The following SH3PXD2B variants were observed in gnomAD, a reference collection of about 807,000 sequenced individuals.
SH3PXD2B encodes SH3 and PX domains 2B.
A neutral mutation model predicts 73.1 loss-of-function variants in SH3PXD2B; 37 were observed. That is an observed-to-expected ratio of 0.51 (90% CI 0.39 to 0.67). The LOEUF (loss-of-function observed/expected upper bound fraction) is 0.67, where lower values mean the gene tolerates loss of function less well. Among genes scored for constraint, SH3PXD2B ranks in the 30% least tolerant of loss-of-function variants. The pLI is 0.00. For synonymous variants in SH3PXD2B, 457 were observed against 480.5 expected, an observed-to-expected ratio of 0.95 and a Z score of 0.64; for missense variants, 1,053 against 1,197.8, an observed-to-expected ratio of 0.88 and a Z score of 1.78.
At chr5:172,342,406 A>G (rs1015437703) in intron 12 of SH3PXD2B, among the ~76,000 whole-genome samples, 5 of 152,154 alleles carry the variant, frequency 3.3e-5, no homozygotes, top group Admixed American at 6.5e-5. Context: ...AGGGCCGTCG[A>G]TCGGAGGAGA....
In SH3PXD2B at chr5:172,394,561, A is replaced by G. The variant is rs1199775171; in HGVS notation, c.309+2T>C. ...GACTGCGTGGGCATTTCTCAGCCTT[A>G]CCTTACAGTATTCATCAATTGGTAT... On this transcript the variant is annotated splice_donor_variant, in intron 4 of 12. Coordinates refer to ENST00000311601, the MANE Select transcript of SH3PXD2B (RefSeq NM_001017995.3). LOFTEE classifies it high-confidence loss of function. 2.5e-6 allele frequency: 4 copies of G among 1,614,002 alleles called. No individual in the cohort carries two copies.
chr5:172,396,496 C>T (rs952503647), intron 3 of SH3PXD2B, among the ~76,000 whole-genome samples: 3 of 152,158 alleles, frequency 2.0e-5, no homozygotes, highest in Admixed American at 1.3e-4. Flanking sequence ...AGGAGATTTG[C>T]ACCCTAAAAG....
chr5:172,392,335 A>G (rs1758209532), intron 4 of SH3PXD2B, among the ~76,000 whole-genome samples: 1 of 152,230 alleles, frequency 6.6e-6, no homozygotes, highest in African/African-American at 2.4e-5. Flanking sequence ...GAGAGAGGTC[A>G]GAAGGCCCTG....
At chr5:172,416,852 G>T (rs1581323081) in intron 2 of SH3PXD2B, among the ~76,000 whole-genome samples, 1 of 151,872 alleles carries the variant, frequency 6.6e-6, no homozygotes, top group Admixed American at 6.6e-5. Context: ...TGGGCTACAG[G>T]TGCGCACCGT....
chr5:172,334,727 G>A lies in SH3PXD2B; in HGVS notation c.*3642C>T, dbSNP rs945176524. The A allele has an allele frequency of 9.1e-6, 9 of 985,382 alleles. No homozygotes were observed. In the African/African-American group the frequency reaches 1.6e-4, roughly 17 times the overall value. The allele number at this position is 985,382 out of a possible 1,614,324, so 61.0% of individuals were successfully genotyped here. On this transcript the variant is annotated 3_prime_UTR_variant, in exon 13 of 13. Transcript: ENST00000311601. ...AGCAGTTTCTTCTTTTTCCCACTCT[G>A]TGCTGGGTACTTGGGAGAGGCGAAA...
chr5:172,437,241 C>T (rs991667405), intron 1 of SH3PXD2B, among the ~76,000 whole-genome samples: 2 of 152,188 alleles, frequency 1.3e-5, no homozygotes, highest in African/African-American at 4.8e-5. Context: ...AAACCCGACT[C>T]TGCCACGCTT....
At chr5:172,447,806 G>T (rs1759707146) in intron 1 of SH3PXD2B, among the ~76,000 whole-genome samples, 1 of 151,792 alleles carries the variant, frequency 6.6e-6, no homozygotes, top group South Asian at 2.1e-4. Context: ...AGCACAGAGT[G>T]CACCAGAGCA....
At chr5:172,372,470 C>T (rs1225513224) in intron 6 of SH3PXD2B, among the ~76,000 whole-genome samples, 2 of 152,132 alleles carry the variant, frequency 1.3e-5, no homozygotes. Flanking sequence ...GCCTGCAGAA[C>T]GATGAGCCAA....
rs1756727236 is a variant in SH3PXD2B at position 172,337,372 on chromosome 5, C to T, written c.*997G>A. The T allele has an allele frequency of 1.0e-6, 1 of 984,072 alleles. No homozygotes were observed. The highest frequency in any genetic ancestry group is 1.1e-4 in the East Asian group (1 of 8,808). The allele number at this position is 984,072 out of a possible 1,614,324, so 61.0% of individuals were successfully genotyped here. A position where few individuals can be genotyped will look rare whatever the true frequency, so the allele number is the denominator to read the frequency against. On this transcript the variant is annotated 3_prime_UTR_variant, in exon 13 of 13. Coordinates refer to ENST00000311601, the MANE Select transcript of SH3PXD2B (RefSeq NM_001017995.3). Reference sequence around the variant, plus strand: ...GCAGGCCTGGACTCAAATCCTCTTCCCTCTTCCTCCTGGCTGGTGTGTCCT... The same window carrying T: ...GCAGGCCTGGACTCAAATCCTCTTCTCTCTTCCTCCTGGCTGGTGTGTCCT...
At chr5:172,420,856 G>A (rs1046355358) in intron 2 of SH3PXD2B, among the ~76,000 whole-genome samples, 7 of 151,698 alleles carry the variant, frequency 4.6e-5, no homozygotes, top group African/African-American at 7.3e-5. Flanking sequence ...TGTGGGATCC[G>A]AGGATAAAGC....
At chr5:172,453,835 C>T (rs1056678666) in intron 1 of SH3PXD2B, among the ~76,000 whole-genome samples, 1 of 152,162 alleles carries the variant, frequency 6.6e-6, no homozygotes, top group African/African-American at 2.4e-5. Context: ...AGAGGGGCTA[C>T]CTGTGGCTGG....
Position 172,337,909 on chromosome 5 carries a change from C to A in SH3PXD2B, c.*460G>T. On this transcript the variant is annotated 3_prime_UTR_variant, in exon 13 of 13. Transcript: ENST00000311601. ...GGCAATTTAGGAGGAGTGAATAAAGCCACTGGGCTTTTAGAAACATGAAGA... is the reference window on the plus strand; with the variant it reads ...GGCAATTTAGGAGGAGTGAATAAAGACACTGGGCTTTTAGAAACATGAAGA... The A allele has an allele frequency of 9.7e-7, 1 of 1,030,708 alleles. No individual in the cohort carries two copies. Among genetic ancestry groups the A allele is most frequent in the Non-Finnish European group, 1.2e-6 (1 of 857,228 alleles). The allele number at this position is 1,030,708 out of a possible 1,614,324, so 63.8% of individuals were successfully genotyped here.
chr5:172,343,312 CACTAAT>C (rs1282809261), intron 12 of SH3PXD2B, among the ~76,000 whole-genome samples: 1 of 152,194 alleles, frequency 6.6e-6, no homozygotes, highest in Non-Finnish European at 1.5e-5. Flanking sequence ...AATTCAACAA[CACTAAT>C]ACTTAAGTCT....
downstream of SH3PXD2B, among the ~76,000 whole-genome samples, chr5:172,329,002 TACAC>T (rs916921893): frequency 6.1e-5 from 9 of 148,624 alleles, no homozygotes; most frequent in African/African-American, 2.2e-4. Context: ...CATGTATAGA[TACAC>T]ACATATATAT....
rs759813859 is a variant in SH3PXD2B, at chr5:172,339,419, C to T, written c.1686G>A (p.Pro562=). The T allele has an allele frequency of 1.7e-5, 27 of 1,614,072 alleles. No homozygotes were observed. The highest frequency in any genetic ancestry group is 1.6e-4 in the Middle Eastern group (1 of 6,084). Residue 562 remains proline (P), a synonymous_variant, in exon 13 of 13, where the codon CCG becomes CCA. Transcript: ENST00000311601. The surrounding 1 kb of genome is among the most constrained non-coding windows in gnomAD (Gnocchi z 6.1). ...PTPKPPGVIL[P]MMPAKHIPPA... Reference sequence around the variant, plus strand: ...GAGGGATGTGTTTGGCTGGCATCATCGGCAAAATCACGCCCGGAGGCTTGG... The same window carrying T: ...GAGGGATGTGTTTGGCTGGCATCATTGGCAAAATCACGCCCGGAGGCTTGG...
At chr5:172,376,171 A>G (rs1757817181) in intron 5 of SH3PXD2B, among the ~76,000 whole-genome samples, 1 of 152,016 alleles carries the variant, frequency 6.6e-6, no homozygotes, top group South Asian at 2.1e-4. Flanking sequence ...CTGGGATTAT[A>G]GACGCCCACC....
chr5:172,384,196 C>G (rs1290134142), intron 4 of SH3PXD2B, among the ~76,000 whole-genome samples: 3 of 152,070 alleles, frequency 2.0e-5, no homozygotes, highest in African/African-American at 7.2e-5. Flanking sequence ...CACCCAACTC[C>G]CAAAGTGATG....
At chr5:172,361,165 C>T (rs762477205) in intron 7 of SH3PXD2B, among the ~76,000 whole-genome samples, 9 of 151,802 alleles carry the variant, frequency 5.9e-5, no homozygotes, top group Non-Finnish European at 1.2e-4. Flanking sequence ...GAATGAGTAC[C>T]TGTGTATGTG....
At chr5:172,391,124 A>G (rs143453713) in intron 4 of SH3PXD2B, among the ~76,000 whole-genome samples, 1,760 of 152,160 alleles carry the variant, frequency 0.012, 81 homozygotes, top group Admixed American at 0.075. Context: ...TACAGCCGTG[A>G]GCCACCACGC....
Sources: allele counts gnomAD v4.1 joint callset (sites outside exome capture counted in the v4.1 genomes callset), GRCh38; gene constraint gnomAD v4.1.1; non-coding constraint Gnocchi (gnomAD v3.1); transcripts MANE v1.5; gene names NCBI Gene and HGNC (gene_info 2026-07-23, HGNC 2026-07-21).